FER: variants seen among roughly 807,000 people sequenced by gnomAD.
FER encodes the protein FER tyrosine kinase.
In FER, 63 loss-of-function variants were observed where a neutral mutation model predicts 111.0. The observed-to-expected ratio is 0.57, with a 90% CI of 0.46 to 0.70. FER has a LOEUF of 0.70. FER is among the 30% of genes least tolerant of loss of function. The pLI is 0.00. For synonymous variants in FER, 327 were observed against 313.9 expected (o/e 1.04, Z -0.44); for missense variants, 914 against 954.0 (o/e 0.96, Z 0.55).
At chr5:108,936,966 G>A (rs1186901741) in intron 10 of FER, among the ~76,000 whole-genome samples, 2 of 151,906 alleles carry the variant, frequency 1.3e-5, no homozygotes, top group Non-Finnish European at 2.9e-5. Context: ...ATCAGTCTGA[G>A]TTAAAAAGAT....
intron 9 of FER, among the ~76,000 whole-genome samples, chr5:108,890,460 T>C (rs940677138): frequency 1.3e-5 from 2 of 152,092 alleles, no homozygotes; most frequent in Admixed American, 1.3e-4. Context: ...GTTTCATGCC[T>C]GTCTCCTAGC....
intron 13 of FER, among the ~76,000 whole-genome samples, chr5:109,033,107 T>C (rs1769873221): frequency 6.6e-6 from 1 of 152,230 alleles, no homozygotes; most frequent in Non-Finnish European, 1.5e-5. Context: ...CTTGTTTCTA[T>C]TGATGGTTTA....
chr5:109,065,746 A>G (rs1466976561), intron 16 of FER, among the ~76,000 whole-genome samples: 1 of 152,208 alleles, frequency 6.6e-6, no homozygotes, highest in Non-Finnish European at 1.5e-5. Context: ...TTGTCATAAC[A>G]AGGTTTTGTA....
intron 2 of FER, chr5:108,784,497 G>C (rs1422394231): frequency 1.3e-5 from 2 of 153,072 alleles, no homozygotes; most frequent in Non-Finnish European, 2.9e-5. Context: ...AGAAAACCCT[G>C]GGTGCCAAGA....
intron 16 of FER, among the ~76,000 whole-genome samples, chr5:109,059,121 A>T (rs1385881141): frequency 6.6e-6 from 1 of 152,064 alleles, no homozygotes; most frequent in Non-Finnish European, 1.5e-5. Context: ...ATTGCTGTTT[A>T]ACATCTACTA....
At chr5:109,123,652 A>C (rs1751303814) in intron 17 of FER, among the ~76,000 whole-genome samples, 1 of 152,216 alleles carries the variant, frequency 6.6e-6, no homozygotes, top group Non-Finnish European at 1.5e-5. Context: ...ACAAACTAAC[A>C]AGCAAAGAGA....
Position 109,193,929 on chromosome 5 carries a change from C to T in FER, c.*6354C>T, listed in dbSNP as rs1296265103. 3 of 152,166 alleles carry T rather than the reference C, an allele frequency of 2.0e-5. No homozygotes were observed. The highest frequency in any genetic ancestry group is 4.4e-5 in the Non-Finnish European group (3 of 68,060). 9.4% of individuals were successfully genotyped at this position (152,166 alleles called of 1,614,324 possible). A position where few individuals can be genotyped will look rare whatever the true frequency, so the allele number is the denominator to read the frequency against. On this transcript the variant is annotated 3_prime_UTR_variant, in exon 20 of 20. Coordinates refer to ENST00000281092, the MANE Select transcript of FER (RefSeq NM_005246.4). Reference sequence around the variant, plus strand: ...ATGGATGCAGGTTAGAATTCAAAGACCTGGTTGGAGTCCTAGATGTGGAGA... The same window carrying T: ...ATGGATGCAGGTTAGAATTCAAAGATCTGGTTGGAGTCCTAGATGTGGAGA...
At chr5:109,165,803 T>C (rs1756496423) in intron 17 of FER, among the ~76,000 whole-genome samples, 1 of 152,172 alleles carries the variant, frequency 6.6e-6, no homozygotes, top group African/African-American at 2.4e-5. Context: ...AGTATTAAAG[T>C]AAGGTGGAAC....
At chr5:108,832,492 A>C (rs1044793498) in intron 3 of FER, among the ~76,000 whole-genome samples, 1 of 152,122 alleles carries the variant, frequency 6.6e-6, no homozygotes, top group Non-Finnish European at 1.5e-5. Context: ...GAAGTGAACA[A>C]ATGAAGACTG....
intron 16 of FER, among the ~76,000 whole-genome samples, chr5:109,067,227 T>TTTG (rs111663056): frequency 0.066 from 9,857 of 150,040 alleles, 474 homozygotes; most frequent in African/African-American, 0.14. Flanking sequence ...GAGTGACTGG[T>TTTG]TTGTTGTTGT....
At chr5:109,049,004 A>G (rs1581793848) in intron 16 of FER, among the ~76,000 whole-genome samples, 1 of 151,996 alleles carries the variant, frequency 6.6e-6, no homozygotes, top group Admixed American at 6.6e-5. Flanking sequence ...TTTTATTTTT[A>G]TTATTTGTTT....
chr5:108,912,687 AT>A (rs780554663), intron 10 of FER, among the ~76,000 whole-genome samples: 80 of 152,248 alleles, frequency 5.3e-4, no homozygotes, highest in Non-Finnish European at 9.0e-4. Context: ...ACTAATCTGA[AT>A]GGATACTGGT....
chr5:108,869,196 C>G (rs1214176305), intron 6 of FER, among the ~76,000 whole-genome samples: 5 of 152,226 alleles, frequency 3.3e-5, no homozygotes, highest in East Asian at 1.9e-4. Context: ...AAAGCACTTT[C>G]ATGTGCATTT....
intron 8 of FER, among the ~76,000 whole-genome samples, chr5:108,880,576 G>A (rs937785881): frequency 6.6e-6 from 1 of 152,072 alleles, no homozygotes; most frequent in Non-Finnish European, 1.5e-5. Context: ...TCTTGACAAT[G>A]ATCTTGAATC....
chr5:109,172,188 T>G (rs1460388100), intron 17 of FER, among the ~76,000 whole-genome samples: 1 of 152,004 alleles, frequency 6.6e-6, no homozygotes, highest in Non-Finnish European at 1.5e-5. Context: ...TGCACACGTA[T>G]GCTTATTGCG....
intron 5 of FER, among the ~76,000 whole-genome samples, chr5:108,858,693 T>C (rs1054679362): frequency 2.6e-5 from 4 of 152,062 alleles, no homozygotes; most frequent in Admixed American, 2.6e-4. Flanking sequence ...TATATAATAT[T>C]CTTTTTCCTT....
At chr5:108,840,324 A>G (rs1343958078) in intron 5 of FER, among the ~76,000 whole-genome samples, 1 of 152,136 alleles carries the variant, frequency 6.6e-6, no homozygotes, top group Non-Finnish European at 1.5e-5. Flanking sequence ...AGTAATAGCT[A>G]TTTTCACCAT....
At chr5:108,794,087 G>A (rs1039162971) in intron 2 of FER, among the ~76,000 whole-genome samples, 1 of 152,028 alleles carries the variant, frequency 6.6e-6, no homozygotes, top group Non-Finnish European at 1.5e-5. Context: ...TTATTATAAT[G>A]TGATAATATT....
At chr5:109,110,436 A>C (rs1749467736) in intron 17 of FER, among the ~76,000 whole-genome samples, 1 of 152,084 alleles carries the variant, frequency 6.6e-6, no homozygotes, top group Non-Finnish European at 1.5e-5. Flanking sequence ...TGGAACTGCA[A>C]GATAGAACAG....
Sources: allele counts gnomAD v4.1 joint callset (sites outside exome capture counted in the v4.1 genomes callset), GRCh38; gene constraint gnomAD v4.1.1; transcripts MANE v1.5; gene names NCBI Gene and HGNC (gene_info 2026-07-23, HGNC 2026-07-21).